SUPT3H: variants seen among roughly 807,000 people sequenced by gnomAD.
The protein encoded by SUPT3H is transcription initiation protein SPT3 homolog.
SUPT3H carries 44 observed loss-of-function variants against 44.3 expected under a neutral mutation model. The observed-to-expected ratio is 0.99, with a 90% CI of 0.78 to 1.28. The LOEUF is 1.28. SUPT3H is among the 50% of genes most tolerant of loss of function. The pLI is 0.00. For missense variants in SUPT3H, 380 were observed against 387.1 expected (o/e 0.98, Z 0.15); for synonymous variants, 124 against 125.6 (o/e 0.99, Z 0.09).
At position 44,828,402 on chromosome 6, in the gene SUPT3H, A is replaced by G. The variant is rs2139863; in HGVS notation, c.*1414T>C. Among the ~76,000 whole-genome samples the G allele has an allele frequency of 0.18, 27,556 of 152,162 alleles. 2,850 individuals are homozygous for G. Among genetic ancestry groups the G allele is most frequent in the Admixed American group, 0.29 (4,470 of 15,266 alleles). ...TTTTCTAAAAAGATTAACATAGAGC[A>G]GGTAAATGACAGTTAACAAATGTAA... is the stretch of plus-strand genomic sequence containing the variant. On this transcript the variant is annotated 3_prime_UTR_variant, in exon 11 of 11. Coordinates refer to ENST00000371459, the MANE Select transcript of SUPT3H (RefSeq NM_003599.4).
intron 5 of SUPT3H, among the ~76,000 whole-genome samples, chr6:45,004,976 G>A (rs1275129792): frequency 6.6e-6 from 1 of 152,142 alleles, no homozygotes; most frequent in East Asian, 1.9e-4. Context: ...TTGCTACCCA[G>A]GGGAAATGCA....
chr6:45,271,096 C>T (rs1314650995), intron 2 of SUPT3H, among the ~76,000 whole-genome samples: 2 of 152,136 alleles, frequency 1.3e-5, no homozygotes, highest in Non-Finnish European at 2.9e-5. Context: ...TAAAGGCATT[C>T]CATTTTAAAA....
chr6:45,280,513 A>C (rs927349443), intron 2 of SUPT3H, among the ~76,000 whole-genome samples: 2 of 152,088 alleles, frequency 1.3e-5, no homozygotes, highest in Non-Finnish European at 1.5e-5. Flanking sequence ...AACAAAAAAA[A>C]CCTCTTAGGT....
At chr6:44,871,079 C>T (rs1298038909) in intron 10 of SUPT3H, among the ~76,000 whole-genome samples, 1 of 150,220 alleles carries the variant, frequency 6.7e-6, no homozygotes, top group Non-Finnish European at 1.5e-5. Flanking sequence ...GGAGGGGCGC[C>T]CGCCATTGCC....
At chr6:45,163,280 G>A (rs1809336228) in intron 2 of SUPT3H, among the ~76,000 whole-genome samples, 1 of 152,060 alleles carries the variant, frequency 6.6e-6, no homozygotes, top group South Asian at 2.1e-4. Flanking sequence ...TAATTGCATT[G>A]TTAATTGTGA....
At chr6:44,872,553 T>G in intron 10 of SUPT3H, among the ~76,000 whole-genome samples, 1 of 151,986 alleles carries the variant, frequency 6.6e-6, no homozygotes, top group Non-Finnish European at 1.5e-5. Context: ...CATGACAAAA[T>G]GTAAAGACCA....
At chr6:45,244,001 C>T (rs1383204667) in intron 2 of SUPT3H, among the ~76,000 whole-genome samples, 1 of 152,176 alleles carries the variant, frequency 6.6e-6, no homozygotes, top group African/African-American at 2.4e-5. Flanking sequence ...CCACATCTGC[C>T]CTCCTGGGTA....
At chr6:44,885,934 G>A (rs1181104400) in intron 10 of SUPT3H, among the ~76,000 whole-genome samples, 1 of 152,182 alleles carries the variant, frequency 6.6e-6, no homozygotes, top group Admixed American at 6.5e-5. Flanking sequence ...AGCTGATGGA[G>A]CTGAAAGCCA....
At chr6:44,882,538 G>C (rs1408838764) in intron 10 of SUPT3H, among the ~76,000 whole-genome samples, 1 of 152,110 alleles carries the variant, frequency 6.6e-6, no homozygotes, top group African/African-American at 2.4e-5. Flanking sequence ...CATTTTATGA[G>C]GCCAGCATCA....
chr6:45,099,789 A>T (rs1171736205), intron 3 of SUPT3H, among the ~76,000 whole-genome samples: 1 of 152,226 alleles, frequency 6.6e-6, no homozygotes, highest in African/African-American at 2.4e-5. Flanking sequence ...CATTCAAAAC[A>T]GTAAATGGCA....
intron 10 of SUPT3H, among the ~76,000 whole-genome samples, chr6:44,830,436 C>A (rs921617173): frequency 2.6e-5 from 4 of 152,060 alleles, no homozygotes; most frequent in African/African-American, 9.7e-5. Context: ...CCTGTACGTA[C>A]AGATGTACAC....
intron 10 of SUPT3H, among the ~76,000 whole-genome samples, chr6:44,835,602 G>C (rs1019578107): frequency 6.6e-6 from 1 of 152,034 alleles, no homozygotes. Flanking sequence ...AGAAGCAACA[G>C]GCTTTCACTA....
Position 45,014,769 on chromosome 6 carries a change from C to T in SUPT3H, c.364+32G>A, listed in dbSNP as rs74647467. On this transcript the variant is annotated intron_variant, in intron 5 of 10. Coordinates refer to ENST00000371459, the MANE Select transcript of SUPT3H (RefSeq NM_003599.4). ...ATCCAGCACACATGTGTCATAAGCT[C>T]ATGTTTTAGTTTTGTGTTTTGTTTT... 17 of 1,469,254 alleles carry T rather than the reference C, an allele frequency of 1.2e-5. No individual in the cohort carries two copies. The African/African-American group carries it at 1.4e-4, about 12-fold the overall frequency. The allele number at this position is 1,469,254 out of a possible 1,614,324, so 91.0% of individuals were successfully genotyped here.
At chr6:45,025,546 A>G (rs556580958) in intron 3 of SUPT3H, among the ~76,000 whole-genome samples, 2 of 152,308 alleles carry the variant, frequency 1.3e-5, no homozygotes, top group South Asian at 4.1e-4. Flanking sequence ...GCCCACATAA[A>G]TTCAGCACAA....
At chr6:45,316,857 C>T (rs1399725179) in intron 2 of SUPT3H, among the ~76,000 whole-genome samples, 1 of 151,872 alleles carries the variant, frequency 6.6e-6, no homozygotes, top group Non-Finnish European at 1.5e-5. Context: ...CCTGCATGAA[C>T]ACTGAGGAAA....
chr6:45,056,625 T>G (rs1025976674), intron 3 of SUPT3H, among the ~76,000 whole-genome samples: 6 of 152,184 alleles, frequency 3.9e-5, no homozygotes, highest in Non-Finnish European at 7.3e-5. Flanking sequence ...TTGTATGTTT[T>G]CACTTACAAG....
At chr6:45,193,850 C>T (rs1815550491) in intron 2 of SUPT3H, among the ~76,000 whole-genome samples, 1 of 152,076 alleles carries the variant, frequency 6.6e-6, no homozygotes, top group African/African-American at 2.4e-5. Flanking sequence ...TAGAGTGAGC[C>T]CTCATACAGA....
At chr6:45,313,405 A>T (rs916689417) in intron 2 of SUPT3H, among the ~76,000 whole-genome samples, 1 of 152,186 alleles carries the variant, frequency 6.6e-6, no homozygotes, top group Non-Finnish European at 1.5e-5. Flanking sequence ...TGCAAGATTA[A>T]CCAAGAAAAG....
At chr6:45,130,906 G>A (rs1583721902) in intron 2 of SUPT3H, among the ~76,000 whole-genome samples, 1 of 151,188 alleles carries the variant, frequency 6.6e-6, no homozygotes, top group Non-Finnish European at 1.5e-5. Context: ...TAGTAGAGAC[G>A]GGGTTTCTGC....
Sources: allele counts gnomAD v4.1 joint callset (sites outside exome capture counted in the v4.1 genomes callset), GRCh38; gene constraint gnomAD v4.1.1; transcripts MANE v1.5; gene names NCBI Gene and HGNC (gene_info 2026-07-23, HGNC 2026-07-21).